Variants in DPYD observed in about 807,000 individuals in gnomAD.
The protein encoded by DPYD is dihydropyrimidine dehydrogenase, also known as dihydropyrimidine dehydrogenase [NADP(+)].
DPYD carries 109 observed loss-of-function variants against 116.2 expected under a neutral mutation model. The ratio of observed to expected loss-of-function variants is 0.94; its 90% CI spans 0.80 to 1.10. The LOEUF is 1.10. Ranked by LOEUF, DPYD falls within the 50% of genes least tolerant of loss-of-function variation. DPYD has a pLI of 0.00. For missense variants in DPYD, 1,302 were observed against 1,254.5 expected, an observed-to-expected ratio of 1.04 and a Z score of -0.57; for synonymous variants, 440 against 432.0, an observed-to-expected ratio of 1.02 and a Z score of -0.23.
At chr1:97,274,144 G>C (rs1570401364) in intron 18 of DPYD, among the ~76,000 whole-genome samples, 1 of 152,032 alleles carries the variant, frequency 6.6e-6, no homozygotes, top group Admixed American at 6.6e-5. Flanking sequence ...TATGAATTTG[G>C]ATATATACAT....
chr1:97,854,766 C>A (rs1394253165), intron 2 of DPYD, among the ~76,000 whole-genome samples: 13 of 152,106 alleles, frequency 8.5e-5, no homozygotes, highest in Admixed American at 8.5e-4. Context: ...ACATTCAAGA[C>A]CAGCCAAATA....
chr1:97,855,677 C>T (rs934169948), intron 2 of DPYD: 3 of 152,160 alleles, frequency 2.0e-5, no homozygotes, highest in Non-Finnish European at 4.4e-5. Context: ...AAACACAATT[C>T]ACGTAGCTGC....
intron 20 of DPYD, among the ~76,000 whole-genome samples, chr1:97,146,401 A>G (rs1654638160): frequency 1.3e-5 from 2 of 152,196 alleles, no homozygotes; most frequent in Admixed American, 1.3e-4. Flanking sequence ...AAACTGGCCT[A>G]TATGATCATC....
At chr1:97,337,327 C>A (rs896295760) in intron 16 of DPYD, among the ~76,000 whole-genome samples, 1 of 152,128 alleles carries the variant, frequency 6.6e-6, no homozygotes. Context: ...AAGTACAATG[C>A]CGAGCAGAAA....
chr1:97,854,527 A>G (rs1670723901), intron 2 of DPYD, among the ~76,000 whole-genome samples: 1 of 152,202 alleles, frequency 6.6e-6, no homozygotes, highest in Non-Finnish European at 1.5e-5. Context: ...AAATGCCCCC[A>G]GTTTAAGATT....
chr1:97,370,372 C>T (rs1022722224), intron 16 of DPYD, among the ~76,000 whole-genome samples: 13 of 152,044 alleles, frequency 8.6e-5, no homozygotes, highest in African/African-American at 3.1e-4. Context: ...AACAAGAACA[C>T]ATGGACACAG....
intron 16 of DPYD, among the ~76,000 whole-genome samples, chr1:97,309,869 C>T (rs920660133): frequency 6.6e-6 from 1 of 151,714 alleles, no homozygotes; most frequent in African/African-American, 2.4e-5. Context: ...TATTTAGTTA[C>T]ACATTAAGGG....
chr1:97,787,506 A>T (rs1397825255), intron 3 of DPYD, among the ~76,000 whole-genome samples: 2 of 152,210 alleles, frequency 1.3e-5, no homozygotes, highest in Non-Finnish European at 2.9e-5. Flanking sequence ...TATTTACAAG[A>T]TTCAACTTAC....
At chr1:97,442,758 A>G (rs1351084000) in intron 14 of DPYD, among the ~76,000 whole-genome samples, 2 of 152,166 alleles carry the variant, frequency 1.3e-5, no homozygotes, top group African/African-American at 2.4e-5. Flanking sequence ...ATTGGTAACT[A>G]TTTCTGAAAT....
intron 7 of DPYD, among the ~76,000 whole-genome samples, chr1:97,682,187 G>A (rs1660459800): frequency 6.6e-6 from 1 of 151,896 alleles, no homozygotes; most frequent in Non-Finnish European, 1.5e-5. Flanking sequence ...GTGTGCAAAT[G>A]GGGATAGAAA....
At chr1:97,236,776 G>A (rs1184562917) in intron 18 of DPYD, among the ~76,000 whole-genome samples, 3 of 152,140 alleles carry the variant, frequency 2.0e-5, no homozygotes, top group African/African-American at 4.8e-5. Context: ...GTCAATGCAC[G>A]TTCATGGATT....
rs201831963 is a variant in DPYD, at chr1:97,625,307, T to TTAC, written c.851-30144_851-30142dup. Reference sequence around the variant, plus strand: ...TGAGAAATAATTCTAATTGGAAGGATTACATGTAAGAAGAATTTCTGAACA... The same window carrying TTAC: ...TGAGAAATAATTCTAATTGGAAGGATTACTACATGTAAGAAGAATTTCTGAACA... On this transcript the variant is annotated intron_variant, in intron 8 of 22. Coordinates refer to ENST00000370192, the MANE Select transcript of DPYD (RefSeq NM_000110.4). Among the ~76,000 whole-genome samples the TTAC allele has an allele frequency of 8.7e-3, 1,320 of 152,120 alleles. 20 individuals are homozygous for TTAC. The highest frequency in any genetic ancestry group is 0.029 in the African/African-American group (1,220 of 41,532).
chr1:97,562,465 C>T (rs1652218347), intron 11 of DPYD, among the ~76,000 whole-genome samples: 2 of 152,220 alleles, frequency 1.3e-5, no homozygotes, highest in Non-Finnish European at 2.9e-5. Flanking sequence ...GTCTTGAAAA[C>T]ACTTTAAAGA....
intron 14 of DPYD, among the ~76,000 whole-genome samples, chr1:97,434,096 T>A (rs1206973124): frequency 6.6e-6 from 1 of 152,040 alleles, no homozygotes; most frequent in African/African-American, 2.4e-5. Flanking sequence ...AAAGGACACA[T>A]TATGAAAAAA....
chr1:97,120,809 T>C (rs1205966237), intron 20 of DPYD, among the ~76,000 whole-genome samples: 1 of 151,998 alleles, frequency 6.6e-6, no homozygotes, highest in Non-Finnish European at 1.5e-5. Context: ...ATATGGAGGG[T>C]CTTTAGCGAG....
At chr1:97,493,576 G>A (rs1185201149) in intron 13 of DPYD, among the ~76,000 whole-genome samples, 4 of 152,094 alleles carry the variant, frequency 2.6e-5, no homozygotes, top group African/African-American at 9.7e-5. Context: ...CAAGAACTGG[G>A]AATTATGATT....
intron 2 of DPYD, among the ~76,000 whole-genome samples, chr1:97,882,248 T>G (rs1222525252): frequency 6.6e-6 from 1 of 152,014 alleles, no homozygotes; most frequent in East Asian, 1.9e-4. Context: ...TGTAATTAAG[T>G]GACTATGGGA....
chr1:97,614,401 T>G (rs1326634320), intron 8 of DPYD, among the ~76,000 whole-genome samples: 1 of 152,072 alleles, frequency 6.6e-6, no homozygotes, highest in Non-Finnish European at 1.5e-5. Context: ...TGAATGATAT[T>G]TATAAGACTG....
In DPYD at chr1:97,559,787, TATC is replaced by T. The variant is rs572249781; in HGVS notation, c.1340-10046_1340-10044del. Among the ~76,000 whole-genome samples the T allele has an allele frequency of 7.8e-3, 1,182 of 152,276 alleles. 5 individuals are homozygous for T. The highest frequency in any genetic ancestry group is 0.012 in the Non-Finnish European group (820 of 68,008). On this transcript the variant is annotated intron_variant, in intron 11 of 22. Coordinates refer to ENST00000370192, the MANE Select transcript of DPYD (RefSeq NM_000110.4). ...TCTTTATATAGAGAACTAGCTGTAT[TATC>T]ATGCACTCAAAAAATATCAACATTG...
Sources: gnomAD v4.1 joint callset for allele counts (sites outside exome capture counted in the v4.1 genomes callset) on GRCh38, gnomAD v4.1.1 for gene constraint, MANE v1.5 for transcripts, NCBI Gene and HGNC (gene_info 2026-07-23, HGNC 2026-07-21) for gene names.